Variants in SORCS2 observed in about 807,000 individuals in gnomAD.
SORCS2 encodes VPS10 domain-containing receptor SorCS2.
SORCS2 carries 100 observed loss-of-function variants against 141.6 expected under a neutral mutation model. The observed-to-expected ratio is 0.71, with a 90% confidence interval of 0.60 to 0.83. The LOEUF is 0.83. Among genes scored for constraint, SORCS2 ranks in the 40% least tolerant of loss-of-function variants. SORCS2 has a pLI of 0.00. For missense variants in SORCS2, 1,646 were observed against 1,560.2 expected, an observed-to-expected ratio of 1.05 and a Z score of -0.93; for synonymous variants, 789 against 676.9, an observed-to-expected ratio of 1.17 and a Z score of -2.57.
At chr4:7,216,911 G>A (rs1281787648) in intron 1 of SORCS2, among the ~76,000 whole-genome samples, 5 of 89,938 alleles carry the variant, frequency 5.6e-5, no homozygotes, top group Admixed American at 5.1e-4. Context: ...GGATGCAGAA[G>A]CGGAGTGACT....
At chr4:7,397,180 G>A (rs980036991) in intron 2 of SORCS2, among the ~76,000 whole-genome samples, 10 of 152,130 alleles carry the variant, frequency 6.6e-5, no homozygotes, top group African/African-American at 1.4e-4. Flanking sequence ...TCAGGACCTC[G>A]AGTTGGTTTA....
chr4:7,505,054 G>T lies in SORCS2; in HGVS notation c.549-26476G>T, dbSNP rs1262872718. Among the ~76,000 whole-genome samples the T allele has an allele frequency of 7.2e-5, 11 of 152,234 alleles. No individual in the cohort carries two copies. The East Asian group carries it at 1.9e-3, about 27-fold the overall frequency. On this transcript the variant is annotated intron_variant, in intron 2 of 26. Transcript: ENST00000507866. ...GGGGTGAAAAGGATGGAAACCTGGAGCGCCGGGAGGGATGGGGAGCAGGAC... is the reference window on the plus strand; with the variant it reads ...GGGGTGAAAAGGATGGAAACCTGGATCGCCGGGAGGGATGGGGAGCAGGAC...
chr4:7,462,578 C>T (rs1224019565), intron 2 of SORCS2, among the ~76,000 whole-genome samples: 1 of 151,934 alleles, frequency 6.6e-6, no homozygotes, highest in Admixed American at 6.6e-5. Context: ...GACTCACAGT[C>T]CAAGCATGCG....
At chr4:7,598,985 C>A (rs1039020743) in intron 3 of SORCS2, among the ~76,000 whole-genome samples, 1 of 152,194 alleles carries the variant, frequency 6.6e-6, no homozygotes, top group African/African-American at 2.4e-5. Flanking sequence ...CCCTTGCAGG[C>A]GGCAGGGTTG....
intron 3 of SORCS2, among the ~76,000 whole-genome samples, chr4:7,632,991 A>G (rs760238710): frequency 1.3e-5 from 2 of 152,250 alleles, no homozygotes; most frequent in African/African-American, 2.4e-5. Flanking sequence ...AGGGCATCCC[A>G]TCATCAAAAC....
At position 7,402,130 on chromosome 4, in the gene SORCS2, A is replaced by G. The variant is rs564171898; in HGVS notation, c.548+5775A>G. ...AATTTAGGGCTTCAGTTTTTACCAC[A>G]CCAGAGCCGAGTCCAGCTCAATGCC... On this transcript the variant is annotated intron_variant, in intron 2 of 26. Coordinates refer to ENST00000507866, the MANE Select transcript of SORCS2 (RefSeq NM_020777.3). 2.0e-4 allele frequency among the ~76,000 whole-genome samples: 30 copies of G among 152,228 alleles called. No individual in the cohort carries two copies. In the South Asian group the frequency reaches 4.4e-3, roughly 22 times the overall value.
At chr4:7,355,174 G>A (rs914305636) in intron 1 of SORCS2, among the ~76,000 whole-genome samples, 5 of 152,106 alleles carry the variant, frequency 3.3e-5, no homozygotes, top group African/African-American at 1.2e-4. Context: ...TCACCACTCT[G>A]TCCTCACGAG....
intron 2 of SORCS2, among the ~76,000 whole-genome samples, chr4:7,448,222 G>A (rs1329587323): frequency 6.6e-6 from 1 of 152,264 alleles, no homozygotes; most frequent in South Asian, 2.1e-4. Flanking sequence ...AGGGAGAGTG[G>A]CCGGAGTGTG....
chr4:7,416,944 T>G (rs1299325941), intron 2 of SORCS2, among the ~76,000 whole-genome samples: 1 of 151,522 alleles, frequency 6.6e-6, no homozygotes, highest in African/African-American at 2.4e-5. Flanking sequence ...GCACACATAC[T>G]CTCGCACACA....
chr4:7,683,012 A>G (rs1163134968), intron 10 of SORCS2, 123 bp downstream of exon 10: 20 of 1,244,080 alleles, frequency 1.6e-5, no homozygotes, highest in Non-Finnish European at 2.0e-5. Context: ...TGAACCACCT[A>G]TTTCTGCTGG....
At chr4:7,355,370 C>T (rs1021490046) in intron 1 of SORCS2, among the ~76,000 whole-genome samples, 3 of 152,202 alleles carry the variant, frequency 2.0e-5, no homozygotes, top group Non-Finnish European at 2.9e-5. Flanking sequence ...ACTTCTGATA[C>T]ACAACCTATA....
At chr4:7,534,838 T>C (rs1193300028) in intron 3 of SORCS2, among the ~76,000 whole-genome samples, 1 of 152,244 alleles carries the variant, frequency 6.6e-6, no homozygotes, top group African/African-American at 2.4e-5. Context: ...AATGAATTTC[T>C]ATTGCTTCAA....
chr4:7,602,581 C>G (rs181041616), intron 3 of SORCS2, among the ~76,000 whole-genome samples: 1,977 of 150,654 alleles, frequency 0.013, 41 homozygotes, highest in African/African-American at 0.046. Context: ...AAGAGGCGCT[C>G]CTCACTTCCT....
chr4:7,726,706 C>A, intron 20 of SORCS2, 74 bp from the exon 21 acceptor site: 2 of 1,552,836 alleles, frequency 1.3e-6, no homozygotes, highest in Non-Finnish European at 1.7e-6. Flanking sequence ...AGTGAGGCAG[C>A]GACCATAGGC....
At chr4:7,247,794 C>T (rs935792879) in intron 1 of SORCS2, among the ~76,000 whole-genome samples, 1 of 152,210 alleles carries the variant, frequency 6.6e-6, no homozygotes, top group Non-Finnish European at 1.5e-5. Context: ...GTGATGTTTC[C>T]TGGGGAAGCC....
At position 7,613,901 on chromosome 4, in the gene SORCS2, C is replaced by T. The variant is rs73216638; in HGVS notation, c.649-24427C>T. Among the ~76,000 whole-genome samples, 1,331 of 152,104 alleles carry T rather than the reference C, an allele frequency of 8.8e-3. 10 individuals are homozygous for T. The highest frequency in any genetic ancestry group is 0.027 in the Middle Eastern group (8 of 294). On this transcript the variant is annotated intron_variant, in intron 3 of 26. Transcript: ENST00000507866. ...TCCATTCATTCACCATCCATCTATC[C>T]ACCTATCCACTCATCAAACATCCGT...
intron 1 of SORCS2, among the ~76,000 whole-genome samples, chr4:7,213,350 G>C (rs536306373): frequency 6.6e-6 from 1 of 152,372 alleles, no homozygotes; most frequent in African/African-American, 2.4e-5. Context: ...GGAGAGCTGG[G>C]ACCTTTGTGT....
chr4:7,621,802 A>C (rs1282606992), intron 3 of SORCS2, among the ~76,000 whole-genome samples: 1 of 152,112 alleles, frequency 6.6e-6, no homozygotes, highest in Non-Finnish European at 1.5e-5. Flanking sequence ...GAGACAGGCG[A>C]CCTCTGGGTA....
At chr4:7,372,124 T>C (rs1316558876) in intron 1 of SORCS2, among the ~76,000 whole-genome samples, 1 of 152,160 alleles carries the variant, frequency 6.6e-6, no homozygotes, top group African/African-American at 2.4e-5. Flanking sequence ...CTTGCTGATA[T>C]GGGTCAGTTG....
Sources: allele counts gnomAD v4.1 joint callset (sites outside exome capture counted in the v4.1 genomes callset), GRCh38; gene constraint gnomAD v4.1.1; transcripts MANE v1.5; gene names NCBI Gene and HGNC (gene_info 2026-07-23, HGNC 2026-07-21).